SLC44A5: variants seen among roughly 807,000 people sequenced by gnomAD.
SLC44A5 encodes choline transporter-like protein 5.
SLC44A5 carries 57 observed loss-of-function variants against 101.8 expected under a neutral mutation model. The ratio of observed to expected loss-of-function variants is 0.56; its 90% confidence interval spans 0.45 to 0.70. SLC44A5 has a LOEUF of 0.70. Ranked by LOEUF, SLC44A5 falls within the 30% of genes least tolerant of loss-of-function variation. The pLI is 0.00. For synonymous variants in SLC44A5, 281 were observed against 290.9 expected (o/e 0.97, Z 0.35); for missense variants, 737 against 853.1 (o/e 0.86, Z 1.70).
chr1:75,315,926 A>G (rs1315894990), intron 4 of SLC44A5, among the ~76,000 whole-genome samples: 3 of 152,044 alleles, frequency 2.0e-5, no homozygotes, highest in Non-Finnish European at 2.9e-5. Context: ...TCCATCCTAC[A>G]ATGTTCTGTT....
At chr1:75,526,303 T>G (rs868038861) in intron 2 of SLC44A5, among the ~76,000 whole-genome samples, 3 of 152,142 alleles carry the variant, frequency 2.0e-5, no homozygotes, top group Admixed American at 1.3e-4. Flanking sequence ...CTAACTTCCT[T>G]CTAGTGGCAA....
At chr1:75,666,123 T>C in the SLC44A5 span, among the ~76,000 whole-genome samples, 1 of 152,222 alleles carries the variant, frequency 6.6e-6, no homozygotes, top group Admixed American at 6.5e-5. Flanking sequence ...TTACTTGGTA[T>C]ATATCCAAAA....
intron 19 of SLC44A5, 79 bp downstream of exon 19, chr1:75,215,675 A>G (rs1646946270): frequency 1.1e-5 from 9 of 797,138 alleles, no homozygotes; most frequent in Admixed American, 2.1e-5. Context: ...AAGTAAAAGT[A>G]CTTTAGAGAG....
At chr1:75,473,566 GCCCCACT>G (rs1667225289) in intron 2 of SLC44A5, among the ~76,000 whole-genome samples, 1 of 152,070 alleles carries the variant, frequency 6.6e-6, no homozygotes, top group South Asian at 2.1e-4. Flanking sequence ...ACACTTATCT[GCCCCACT>G]CAAAATCCAT....
intron 2 of SLC44A5, among the ~76,000 whole-genome samples, chr1:75,426,944 G>C (rs1322307477): frequency 2.0e-5 from 3 of 152,240 alleles, no homozygotes; most frequent in Non-Finnish European, 4.4e-5. Context: ...CGCTTCGCCA[G>C]ATGGGTGCTC....
chr1:75,357,233 G>C (rs1170600198), intron 3 of SLC44A5: 1 of 455,674 alleles, frequency 2.2e-6, no homozygotes, highest in Non-Finnish European at 4.4e-6. Flanking sequence ...ACCTCTAAAA[G>C]AACCAAGAGC....
intron 3 of SLC44A5, among the ~76,000 whole-genome samples, chr1:75,354,207 A>G (rs1658897575): frequency 6.6e-6 from 1 of 152,210 alleles, no homozygotes; most frequent in Non-Finnish European, 1.5e-5. Flanking sequence ...AAAGTCTCTT[A>G]GAGGACTGAG....
chr1:75,692,866 T>C, the SLC44A5 span, among the ~76,000 whole-genome samples: 1 of 152,132 alleles, frequency 6.6e-6, no homozygotes, highest in East Asian at 1.9e-4. Flanking sequence ...AGTCAGTCTT[T>C]AGCCACATCT....
At chr1:75,475,303 A>C (rs1667321238) in intron 2 of SLC44A5, among the ~76,000 whole-genome samples, 1 of 152,226 alleles carries the variant, frequency 6.6e-6, no homozygotes, top group Non-Finnish European at 1.5e-5. Context: ...TTATTTCGAA[A>C]GAAGGAAAGG....
intron 4 of SLC44A5, among the ~76,000 whole-genome samples, chr1:75,313,142 A>G (rs1215942708): frequency 5.3e-5 from 8 of 152,194 alleles, no homozygotes; most frequent in African/African-American, 1.7e-4. Context: ...TTTCATCTTC[A>G]TCATCAGCCT....
At chr1:75,214,034 T>C (rs774550597) in intron 20 of SLC44A5, 45 bp from the exon 21 acceptor site, 2 of 1,203,138 alleles carry the variant, frequency 1.7e-6, no homozygotes, top group South Asian at 1.3e-5. Context: ...GTTTAAAATA[T>C]ACTTGGTACT....
chr1:75,327,048 T>C (rs1032020045), intron 4 of SLC44A5, among the ~76,000 whole-genome samples: 1 of 151,648 alleles, frequency 6.6e-6, no homozygotes, highest in African/African-American at 2.4e-5. Context: ...GAGTTAATGA[T>C]ATTTTCCTTC....
At chr1:75,460,669 T>C (rs1023907976) in intron 2 of SLC44A5, among the ~76,000 whole-genome samples, 2 of 152,172 alleles carry the variant, frequency 1.3e-5, no homozygotes, top group African/African-American at 4.8e-5. Flanking sequence ...AAACTCAACA[T>C]TCAAGATTCC....
chr1:75,454,581 C>T (rs1471261428), intron 2 of SLC44A5, among the ~76,000 whole-genome samples: 1 of 151,668 alleles, frequency 6.6e-6, no homozygotes, highest in African/African-American at 2.4e-5. Flanking sequence ...TAAAAAGTAT[C>T]CAAATAGGAG....
At chr1:75,251,073 C>A in intron 7 of SLC44A5, 137 bp downstream of exon 7, 4 of 684,842 alleles carry the variant, frequency 5.8e-6, no homozygotes, top group East Asian at 2.7e-5. Flanking sequence ...ATACTTATAT[C>A]TTCCCATCGT....
At chr1:75,598,082 A>G (rs774421249) in intron 1 of SLC44A5, among the ~76,000 whole-genome samples, 3 of 152,060 alleles carry the variant, frequency 2.0e-5, no homozygotes, top group Non-Finnish European at 4.4e-5. Flanking sequence ...AGGAACTTAA[A>G]CAAATGTACA....
At chr1:75,279,484 C>A (rs954721295) in intron 5 of SLC44A5, among the ~76,000 whole-genome samples, 32 of 152,116 alleles carry the variant, frequency 2.1e-4, no homozygotes, top group African/African-American at 6.8e-4. Context: ...GACCCAGAAC[C>A]ACCCAACCAA....
At chr1:75,529,390 T>C (rs948519519) in intron 2 of SLC44A5, among the ~76,000 whole-genome samples, 31 of 152,160 alleles carry the variant, frequency 2.0e-4, no homozygotes, top group Non-Finnish European at 3.7e-4. Flanking sequence ...ATGTTCAAAA[T>C]TCAGCAGTTG....
chr1:75,305,726 C>T (rs971068952), intron 4 of SLC44A5, among the ~76,000 whole-genome samples: 7 of 152,224 alleles, frequency 4.6e-5, no homozygotes, highest in African/African-American at 1.7e-4. Flanking sequence ...CACCTCTTTC[C>T]CTAGAATAAC....
Sources: gnomAD v4.1 joint callset for allele counts (sites outside exome capture counted in the v4.1 genomes callset) on GRCh38, gnomAD v4.1.1 for gene constraint, MANE v1.5 for transcripts, NCBI Gene and HGNC (gene_info 2026-07-23, HGNC 2026-07-21) for gene names.